Variants in AOPEP observed in about 807,000 individuals in gnomAD.
The protein encoded by AOPEP is aminopeptidase O (putative).
In AOPEP, 77 loss-of-function variants were observed where a neutral mutation model predicts 98.1. The ratio of observed to expected loss-of-function variants is 0.78; its 90% CI spans 0.65 to 0.95. The LOEUF (loss-of-function observed/expected upper bound fraction) is 0.95. Ranked by LOEUF, AOPEP falls within the 40% of genes least tolerant of loss-of-function variation. The pLI is 0.00. For synonymous variants in AOPEP, 346 were observed against 365.3 expected (o/e 0.95, Z 0.60); for missense variants, 1,024 against 1,024.7 (o/e 1.00, Z 0.01).
chr9:95,073,396 G>T (rs771126012), intron 14 of AOPEP, among the ~76,000 whole-genome samples: 43 of 152,040 alleles, frequency 2.8e-4, no homozygotes, highest in Non-Finnish European at 5.1e-4. Flanking sequence ...CACTGTCCGG[G>T]AGTCAAGACA....
chr9:94,920,969 A>G lies in AOPEP; in HGVS notation c.1365-3017A>G, dbSNP rs540800546. On this transcript the variant is annotated intron_variant, in intron 5 of 16. Transcript: ENST00000375315. ...CACCACTTGGAGCCAAAAAGAATTTATGGTGGGGAATAGAAGCAAGAGGGC... is the reference window on the plus strand; with the variant it reads ...CACCACTTGGAGCCAAAAAGAATTTGTGGTGGGGAATAGAAGCAAGAGGGC... Among the ~76,000 whole-genome samples, 4 of 149,874 alleles carry G rather than the reference A, an allele frequency of 2.7e-5. No individual in the cohort carries two copies. In the East Asian group the frequency reaches 8.4e-4, roughly 31 times the overall value.
intron 14 of AOPEP, 43 bp from the exon 15 acceptor site, chr9:95,080,651 C>T (rs774955489): frequency 6.7e-7 from 1 of 1,484,668 alleles, no homozygotes; most frequent in Non-Finnish European, 9.4e-7. Flanking sequence ...GGCTGGGATG[C>T]CTGCCTGCTT....
the AOPEP span, among the ~76,000 whole-genome samples, chr9:95,110,024 C>T: frequency 6.6e-6 from 1 of 152,202 alleles, no homozygotes; most frequent in Non-Finnish European, 1.5e-5. Context: ...CTGGATTGAA[C>T]TGCCAGGCAG....
chr9:94,839,645 A>C (rs2042052665), intron 5 of AOPEP, among the ~76,000 whole-genome samples: 1 of 152,154 alleles, frequency 6.6e-6, no homozygotes, highest in Admixed American at 6.5e-5. Context: ...TGAGTCAGTG[A>C]ATAGGGACAG....
chr9:94,880,730 A>G (rs1406363118), intron 5 of AOPEP, among the ~76,000 whole-genome samples: 1 of 152,150 alleles, frequency 6.6e-6, no homozygotes, highest in African/African-American at 2.4e-5. Flanking sequence ...ATATTTACTG[A>G]CGTGTCCTTA....
chr9:94,771,483 G>A (rs975520880), intron 2 of AOPEP, among the ~76,000 whole-genome samples: 12 of 152,066 alleles, frequency 7.9e-5, no homozygotes, highest in Admixed American at 2.6e-4. Flanking sequence ...TAGGATAAGC[G>A]TACAGCAACT....
At chr9:94,976,819 A>G (rs562131273) in intron 10 of AOPEP, among the ~76,000 whole-genome samples, 1 of 152,250 alleles carries the variant, frequency 6.6e-6, no homozygotes, top group Non-Finnish European at 1.5e-5. Context: ...TGCACATGCC[A>G]CCATGCCCAG....
intron 7 of AOPEP, among the ~76,000 whole-genome samples, chr9:94,929,896 G>A (rs1439460426): frequency 1.3e-5 from 2 of 152,364 alleles, no homozygotes; most frequent in South Asian, 2.1e-4. Flanking sequence ...CCTGCCTGAG[G>A]TGGGAAAGGC....
downstream of AOPEP, among the ~76,000 whole-genome samples, chr9:95,089,607 CTT>C (rs925523858): frequency 6.6e-6 from 1 of 152,222 alleles, no homozygotes; most frequent in African/African-American, 2.4e-5. Context: ...GGGATACTGT[CTT>C]GTCACACTCA....
At chr9:94,794,204 A>G (rs919931808) in intron 4 of AOPEP, among the ~76,000 whole-genome samples, 3 of 152,322 alleles carry the variant, frequency 2.0e-5, no homozygotes, top group African/African-American at 4.8e-5. Flanking sequence ...TAGATGTTCA[A>G]TGGTTTCTAG....
At chr9:94,885,525 G>A (rs996666706) in intron 5 of AOPEP, among the ~76,000 whole-genome samples, 18 of 152,082 alleles carry the variant, frequency 1.2e-4, no homozygotes, top group African/African-American at 4.3e-4. Flanking sequence ...GCCAGGCCTG[G>A]TGCTGGCTGG....
intron 13 of AOPEP, among the ~76,000 whole-genome samples, chr9:95,013,110 C>CT (rs1417870831): frequency 6.6e-6 from 1 of 151,548 alleles, no homozygotes; most frequent in Non-Finnish European, 1.5e-5. Flanking sequence ...GTCACGTGAC[C>CT]TTTGCTTTCC....
chr9:94,885,281 T>C (rs972112998), intron 5 of AOPEP, among the ~76,000 whole-genome samples: 2 of 131,466 alleles, frequency 1.5e-5, no homozygotes, highest in South Asian at 2.4e-4. Context: ...CCTGGGAAGT[T>C]GAGGCTATAG....
chr9:94,800,057 T>G (rs1847872596), intron 4 of AOPEP, among the ~76,000 whole-genome samples: 1 of 152,152 alleles, frequency 6.6e-6, no homozygotes, highest in African/African-American at 2.4e-5. Flanking sequence ...CTGGCAGTGG[T>G]CGGATGAAGC....
chr9:95,148,420 C>T, the AOPEP span, among the ~76,000 whole-genome samples: 2 of 152,210 alleles, frequency 1.3e-5, no homozygotes, highest in African/African-American at 4.8e-5. Flanking sequence ...GGATTAGGCA[C>T]ATACTTTCTC....
At chr9:95,117,426 T>C in the AOPEP span, 5 of 1,581,548 alleles carry the variant, frequency 3.2e-6, no homozygotes, top group Non-Finnish European at 3.5e-6. Context: ...AGCATGAACA[T>C]TAAGATTGAA....
intron 5 of AOPEP, among the ~76,000 whole-genome samples, chr9:94,814,418 G>C (rs1851277799): frequency 6.6e-6 from 1 of 152,210 alleles, no homozygotes; most frequent in Non-Finnish European, 1.5e-5. Context: ...TGGATGGAGA[G>C]ACCTGATACC....
At chr9:94,798,237 C>T (rs1301807078) in intron 4 of AOPEP, among the ~76,000 whole-genome samples, 1 of 152,180 alleles carries the variant, frequency 6.6e-6, no homozygotes, top group East Asian at 1.9e-4. Flanking sequence ...ACCCTTCTCA[C>T]CTGGTCAGAG....
intron 2 of AOPEP, 145 bp from the exon 3 acceptor site, chr9:94,772,857 T>A (rs1455267410): frequency 1.7e-5 from 13 of 747,498 alleles, no homozygotes; most frequent in Non-Finnish European, 2.7e-5. Context: ...CAGCTTCAGT[T>A]CAAAATGCTA....
Sources: gnomAD v4.1 joint callset for allele counts (sites outside exome capture counted in the v4.1 genomes callset) on GRCh38, gnomAD v4.1.1 for gene constraint, MANE v1.5 for transcripts, NCBI Gene and HGNC (gene_info 2026-07-23, HGNC 2026-07-21) for gene names.